LDLRAD4: variants seen among roughly 807,000 people sequenced by gnomAD.
LDLRAD4 encodes the protein low density lipoprotein receptor class A domain containing 4, also known as low-density lipoprotein receptor class A domain-containing protein 4.
LDLRAD4 carries 5 observed loss-of-function variants against 17.0 expected under a neutral mutation model. The ratio of observed to expected loss-of-function variants is 0.29; its 90% CI spans 0.15 to 0.62. The LOEUF (loss-of-function observed/expected upper bound fraction) is 0.62. Ranked by LOEUF, LDLRAD4 falls within the 20% of genes least tolerant of loss-of-function variation. The pLI is 0.84. For synonymous variants in LDLRAD4, 168 were observed against 171.8 expected (o/e 0.98, Z 0.17); for missense variants, 340 against 424.7 (o/e 0.80, Z 1.75).
At chr18:13,357,709 C>T (rs1213444975) in intron 1 of LDLRAD4, among the ~76,000 whole-genome samples, 1 of 152,136 alleles carries the variant, frequency 6.6e-6, no homozygotes, top group Admixed American at 6.5e-5. Flanking sequence ...AGAAGATGGG[C>T]ATCCTGCAGT....
chr18:13,517,784 G>A (rs2093890767), intron 3 of LDLRAD4, among the ~76,000 whole-genome samples: 1 of 152,116 alleles, frequency 6.6e-6, no homozygotes, highest in Non-Finnish European at 1.5e-5. Flanking sequence ...TGTCGCCCAG[G>A]CTGGAGTGCA....
intron 3 of LDLRAD4, among the ~76,000 whole-genome samples, chr18:13,484,856 C>T (rs568803826): frequency 3.3e-5 from 5 of 152,238 alleles, no homozygotes; most frequent in African/African-American, 4.8e-5. Context: ...GGTGGTTATA[C>T]TAGCTTGCTT....
chr18:13,223,676 C>T (rs1346740842), intron 1 of LDLRAD4, among the ~76,000 whole-genome samples: 2 of 152,206 alleles, frequency 1.3e-5, no homozygotes, highest in Non-Finnish European at 2.9e-5. Flanking sequence ...AACCAGGGCA[C>T]GTGGGCAGAT....
At position 13,512,249 on chromosome 18, in the gene LDLRAD4, G is replaced by T. The variant is rs1358771175; in HGVS notation, c.181+73865G>T. ...AGCCACACATCTGCTGTGGCATGAAGTACCTGACTGAAATAAACCTCCACC... is the reference window on the plus strand; with the variant it reads ...AGCCACACATCTGCTGTGGCATGAATTACCTGACTGAAATAAACCTCCACC... On this transcript the variant is annotated intron_variant, in intron 3 of 5. Transcript: ENST00000359446. 2.6e-5 allele frequency among the ~76,000 whole-genome samples: 4 copies of T among 152,162 alleles called. No individual in the cohort carries two copies. The East Asian group carries it at 7.7e-4, about 29-fold the overall frequency.
intron 1 of LDLRAD4, among the ~76,000 whole-genome samples, chr18:13,357,099 A>C (rs137918977): frequency 0.038 from 5,781 of 152,250 alleles, 359 homozygotes; most frequent in East Asian, 0.32. Context: ...GTGCCACTGC[A>C]CTCCAGCCTG....
At chr18:13,582,868 G>GTGC (rs1334417488) in intron 3 of LDLRAD4, among the ~76,000 whole-genome samples, 6 of 152,148 alleles carry the variant, frequency 3.9e-5, no homozygotes, top group African/African-American at 1.4e-4. Context: ...GCATGCCGCT[G>GTGC]TGCTGGCTAA....
chr18:13,273,419 G>A (rs973657617), upstream of LDLRAD4, among the ~76,000 whole-genome samples: 5 of 152,152 alleles, frequency 3.3e-5, no homozygotes, highest in Admixed American at 3.3e-4. Flanking sequence ...TCCCGCCTCA[G>A]CTTCCTGAGC....
At chr18:13,314,371 G>A (rs1567996909) in intron 1 of LDLRAD4, among the ~76,000 whole-genome samples, 1 of 152,194 alleles carries the variant, frequency 6.6e-6, no homozygotes, top group Admixed American at 6.5e-5. Context: ...GTTAACTTGT[G>A]TCAAATAATT....
intron 1 of LDLRAD4, among the ~76,000 whole-genome samples, chr18:13,363,372 G>T (rs2083833250): frequency 6.7e-6 from 1 of 150,184 alleles, no homozygotes; most frequent in Non-Finnish European, 1.5e-5. Flanking sequence ...AGAAGGAGGT[G>T]GTTAGGTGGG....
chr18:13,521,432 T>C (rs907814389), intron 3 of LDLRAD4: 2 of 152,146 alleles, frequency 1.3e-5, no homozygotes, highest in Admixed American at 1.3e-4. Flanking sequence ...TCATTAGAGA[T>C]GGGATAGAGC....
rs568571932 is a variant in LDLRAD4, at chr18:13,407,446, C to T, written c.40+19684C>T. ...CACCGCAGTTGGAGGCAAAGATGAACAAGACAATGCATTGTGCCTCAAGTC... is the reference window on the plus strand; with the variant it reads ...CACCGCAGTTGGAGGCAAAGATGAATAAGACAATGCATTGTGCCTCAAGTC... On this transcript the variant is annotated intron_variant, in intron 2 of 5. Coordinates refer to ENST00000359446, the Ensembl canonical transcript of LDLRAD4. Among the ~76,000 whole-genome samples the T allele has an allele frequency of 3.9e-5, 6 of 152,372 alleles. No individual in the cohort carries two copies. The South Asian group carries it at 1.0e-3, about 26-fold the overall frequency.
At chr18:13,603,663 G>A (rs2095189498) in intron 3 of LDLRAD4, among the ~76,000 whole-genome samples, 1 of 152,258 alleles carries the variant, frequency 6.6e-6, no homozygotes, top group Non-Finnish European at 1.5e-5. Context: ...CGCCATCTCA[G>A]TGTTAGTTGT....
At chr18:13,236,736 G>A (rs2042358437) in intron 1 of LDLRAD4, among the ~76,000 whole-genome samples, 1 of 152,160 alleles carries the variant, frequency 6.6e-6, no homozygotes, top group Non-Finnish European at 1.5e-5. Flanking sequence ...GTTGGAGTGG[G>A]GGTGTCTCCT....
intron 1 of LDLRAD4, among the ~76,000 whole-genome samples, chr18:13,372,697 A>T (rs2084606439): frequency 6.6e-6 from 1 of 152,196 alleles, no homozygotes; most frequent in African/African-American, 2.4e-5. Flanking sequence ...TGAATAAGAC[A>T]TTGCACTGAA....
intron 2 of LDLRAD4, among the ~76,000 whole-genome samples, chr18:13,416,992 G>T (rs2088957385): frequency 6.6e-6 from 1 of 152,202 alleles, no homozygotes; most frequent in Non-Finnish European, 1.5e-5. Flanking sequence ...CCACAGACAG[G>T]TTAAGTGGCT....
intron 1 of LDLRAD4, among the ~76,000 whole-genome samples, chr18:13,320,118 A>G (rs530707080): frequency 9.8e-5 from 15 of 152,384 alleles, no homozygotes; most frequent in Non-Finnish European, 1.8e-4. Flanking sequence ...ATGAGATAAC[A>G]TATTTTATTG....
At chr18:13,345,885 T>C (rs1283166094) in intron 1 of LDLRAD4, among the ~76,000 whole-genome samples, 3 of 152,246 alleles carry the variant, frequency 2.0e-5, no homozygotes, top group Non-Finnish European at 4.4e-5. Context: ...TATAGTATTC[T>C]CTGATGGTAG....
At chr18:13,396,007 G>A (rs1206508432) in intron 2 of LDLRAD4, among the ~76,000 whole-genome samples, 1 of 152,114 alleles carries the variant, frequency 6.6e-6, no homozygotes, top group Admixed American at 6.5e-5. Flanking sequence ...GTCAAGTCCC[G>A]GGTCTCTGTG....
intron 3 of LDLRAD4, among the ~76,000 whole-genome samples, chr18:13,506,845 C>T (rs2093701609): frequency 6.6e-6 from 1 of 152,224 alleles, no homozygotes; most frequent in African/African-American, 2.4e-5. Flanking sequence ...GGTCACTGAC[C>T]ATGGCACTCA....
Sources: gnomAD v4.1 joint callset for allele counts (sites outside exome capture counted in the v4.1 genomes callset) on GRCh38, gnomAD v4.1.1 for gene constraint, MANE v1.5 for transcripts, NCBI Gene and HGNC (gene_info 2026-07-23, HGNC 2026-07-21) for gene names.